NEMP2: variants seen among roughly 807,000 people sequenced by gnomAD.
The protein encoded by NEMP2 is UPF0571 transmembrane protein.
A neutral mutation model predicts 54.2 loss-of-function variants in NEMP2; 53 were observed. That is an observed-to-expected ratio of 0.98 (90% confidence interval 0.78 to 1.23). The LOEUF (loss-of-function observed/expected upper bound fraction) is 1.23, where lower values mean the gene tolerates loss of function less well. Among genes scored for constraint, NEMP2 ranks in the 50% most tolerant of loss-of-function variants. The pLI, the probability that NEMP2 is intolerant of heterozygous loss-of-function variation, is 0.00. For synonymous variants in NEMP2, 197 were observed against 190.3 expected (o/e 1.04, Z -0.29); for missense variants, 455 against 511.3 (o/e 0.89, Z 1.06).
chr2:190,643,034 T>TTTG, the NEMP2 span, among the ~76,000 whole-genome samples: 1 of 150,204 alleles, frequency 6.7e-6, no homozygotes, highest in Admixed American at 6.6e-5. Flanking sequence ...TTTTTTTTTT[T>TTTG]TTTTTTTTTT....
the NEMP2 span, among the ~76,000 whole-genome samples, chr2:190,584,673 G>C: frequency 6.6e-6 from 1 of 151,980 alleles, no homozygotes; most frequent in Non-Finnish European, 1.5e-5. The surrounding 1 kb of genome is among the most constrained non-coding windows in gnomAD (Gnocchi z 4.2). Flanking sequence ...AGGAATTTAA[G>C]ACCAGACTGG....
chr2:190,623,257 G>A, the NEMP2 span, among the ~76,000 whole-genome samples: 1 of 152,034 alleles, frequency 6.6e-6, no homozygotes, highest in East Asian at 1.9e-4. Flanking sequence ...GCAATCTGCA[G>A]ATTCAATACA....
chr2:190,623,473 T>G, the NEMP2 span, among the ~76,000 whole-genome samples: 9 of 152,102 alleles, frequency 5.9e-5, no homozygotes, highest in Non-Finnish European at 1.3e-4. Context: ...ACAGACACAC[T>G]GACCAATGGC....
the NEMP2 span, among the ~76,000 whole-genome samples, chr2:190,575,632 A>T: frequency 2.6e-4 from 39 of 152,340 alleles, no homozygotes; most frequent in Admixed American, 2.0e-4. Flanking sequence ...AGGCAGGCAG[A>T]TCACTTGAGG....
the NEMP2 span, among the ~76,000 whole-genome samples, chr2:190,542,330 G>C: frequency 6.6e-6 from 1 of 152,112 alleles, no homozygotes; most frequent in Admixed American, 6.5e-5. The surrounding 1 kb of genome is among the most constrained non-coding windows in gnomAD (Gnocchi z 4.6). Flanking sequence ...TTTTGCCTCA[G>C]CCTCCCTAGT....
chr2:190,599,405 G>A, the NEMP2 span, among the ~76,000 whole-genome samples: 5 of 152,076 alleles, frequency 3.3e-5, no homozygotes, highest in Non-Finnish European at 7.3e-5. Flanking sequence ...AACATCACAG[G>A]TAAAACTCTT....
chr2:190,642,494 A>G, the NEMP2 span, among the ~76,000 whole-genome samples: 2 of 152,258 alleles, frequency 1.3e-5, no homozygotes, highest in African/African-American at 4.8e-5. This position sits in a 1 kb window ranked among gnomAD's most constrained non-coding sequence, Gnocchi z 4.1. Context: ...TCTTGAAATT[A>G]TGAGTTATTA....
the NEMP2 span, among the ~76,000 whole-genome samples, chr2:190,628,917 C>T: frequency 1.3e-5 from 2 of 152,202 alleles, no homozygotes; most frequent in African/African-American, 4.8e-5. This position sits in a 1 kb window ranked among gnomAD's most constrained non-coding sequence, Gnocchi z 4.1. Context: ...ATGTTGACTC[C>T]ATAAGGCTTC....
At chr2:190,456,541 T>C in the NEMP2 span, among the ~76,000 whole-genome samples, 4 of 152,166 alleles carry the variant, frequency 2.6e-5, no homozygotes, top group Non-Finnish European at 4.4e-5. The surrounding 1 kb of genome is among the most constrained non-coding windows in gnomAD (Gnocchi z 5.4). Context: ...TCTAGGAACC[T>C]GCAGGGCTGA....
chr2:190,499,916 G>A (rs1689936890), downstream of NEMP2: 6 of 1,583,548 alleles, frequency 3.8e-6, no homozygotes, highest in Admixed American at 8.8e-5. This position sits in a 1 kb window ranked among gnomAD's most constrained non-coding sequence, Gnocchi z 6.0. Context: ...ACTTCCGGAT[G>A]ATCTCCCCAT....
chr2:190,493,998 T>C, the NEMP2 span, among the ~76,000 whole-genome samples: 1 of 146,236 alleles, frequency 6.8e-6, no homozygotes, highest in Non-Finnish European at 1.5e-5. Context: ...AGAAAGGAAA[T>C]AACCAAGATG....
chr2:190,461,147 T>C, the NEMP2 span, among the ~76,000 whole-genome samples: 3 of 152,240 alleles, frequency 2.0e-5, no homozygotes, highest in Non-Finnish European at 4.4e-5. The surrounding 1 kb of genome is among the most constrained non-coding windows in gnomAD (Gnocchi z 5.5). Flanking sequence ...GAATGTTGTA[T>C]GGTTTTGAAG....
At chr2:190,633,374 C>T in the NEMP2 span, among the ~76,000 whole-genome samples, 2 of 145,426 alleles carry the variant, frequency 1.4e-5, no homozygotes, top group African/African-American at 2.6e-5. Flanking sequence ...AGTGCAATGG[C>T]GCGATCTTGG....
At chr2:190,501,844 C>A (rs1024790650), downstream of NEMP2, 27 of 152,516 alleles carry the variant, frequency 1.8e-4, no homozygotes, top group African/African-American at 6.5e-4. Flanking sequence ...TTTTAAGTGA[C>A]CTTTAAAATC....
chr2:190,502,263 CCCAAAGTG>C (rs1488394614), downstream of NEMP2: 1 of 152,114 alleles, frequency 6.6e-6, no homozygotes, highest in African/African-American at 2.4e-5. The surrounding 1 kb of genome is among the most constrained non-coding windows in gnomAD (Gnocchi z 4.4). Flanking sequence ...TCTTCCTGTC[CCCAAAGTG>C]CCATATGCTA....
At chr2:190,608,562 C>T in the NEMP2 span, 23 of 152,306 alleles carry the variant, frequency 1.5e-4, no homozygotes, top group African/African-American at 5.3e-4. This position sits in a 1 kb window ranked among gnomAD's most constrained non-coding sequence, Gnocchi z 4.9. Flanking sequence ...CAACACGTTG[C>T]ACCAGAAAGC....
At chr2:190,610,736 C>G in the NEMP2 span, 2 of 152,248 alleles carry the variant, frequency 1.3e-5, no homozygotes, top group African/African-American at 4.8e-5. The surrounding 1 kb of genome is among the most constrained non-coding windows in gnomAD (Gnocchi z 5.4). Context: ...CAAATATGCT[C>G]CAAATTTTGT....
At position 190,520,058 on chromosome 2, in the gene NEMP2, A is replaced by G. The variant is rs1424894663; in HGVS notation, c.214-875T>C. 6.6e-6 allele frequency among the ~76,000 whole-genome samples: 1 copy of G among 152,210 alleles called. No individual in the cohort carries two copies. Among genetic ancestry groups the G allele is most frequent in the Non-Finnish European group, 1.5e-5 (1 of 68,042 alleles). Reference sequence around the variant, plus strand: ...TAGAAACATAACTTTTATAGGTACTAGGAAACCAAAAAATTTGTATGACTT... The same window carrying G: ...TAGAAACATAACTTTTATAGGTACTGGGAAACCAAAAAATTTGTATGACTT... On this transcript the variant is annotated intron_variant, in intron 2 of 8. Transcript: ENST00000409150. The surrounding 1 kb of genome is among the most constrained non-coding windows in gnomAD (Gnocchi z 5.4).
rs895272979 is a variant in NEMP2 at position 190,518,943 on chromosome 2, C to A, written c.445+9G>T. 2 of 1,541,590 alleles carry A rather than the reference C, an allele frequency of 1.3e-6. No homozygotes were observed. The highest frequency in any genetic ancestry group is 2.5e-5 in the East Asian group (1 of 40,812). The stretch of plus-strand genomic sequence containing the variant: ...TCCAGAAAGTCAAGTATAATAAAAT[C>A]GGACTTACTGTTTCGATTCACATGT... On this transcript the variant is annotated intron_variant, in intron 3 of 8. Coordinates refer to ENST00000409150, the MANE Select transcript of NEMP2 (RefSeq NM_001142645.2).
Sources: allele counts gnomAD v4.1 joint callset (sites outside exome capture counted in the v4.1 genomes callset), GRCh38; gene constraint gnomAD v4.1.1; non-coding constraint Gnocchi (gnomAD v3.1); transcripts MANE v1.5; gene names NCBI Gene and HGNC (gene_info 2026-07-23, HGNC 2026-07-21).